The following TRPC4 variants were observed in gnomAD, a reference collection of about 807,000 sequenced individuals.
TRPC4 encodes short transient receptor potential channel 4.
A neutral mutation model predicts 99.4 loss-of-function variants in TRPC4; 49 were observed. The ratio of observed to expected loss-of-function variants is 0.49; its 90% CI spans 0.39 to 0.63. TRPC4 has a LOEUF of 0.63. TRPC4 is among the 20% of genes least tolerant of loss of function. The probability of loss-of-function intolerance (pLI) is 0.00; values close to 1 mark genes in which losing one functional copy is unlikely to be tolerated. For missense variants in TRPC4, 898 were observed against 1,152.9 expected, an observed-to-expected ratio of 0.78 and a Z score of 3.20; for synonymous variants, 454 against 425.9, an observed-to-expected ratio of 1.07 and a Z score of -0.81.
intron 8 of TRPC4, among the ~76,000 whole-genome samples, chr13:37,641,201 A>G (rs1951706254): frequency 6.6e-6 from 1 of 152,198 alleles, no homozygotes; most frequent in African/African-American, 2.4e-5. Context: ...TAAAAAGGTC[A>G]AAGACTACAT....
At chr13:37,811,333 A>T (rs185775305) in intron 1 of TRPC4, among the ~76,000 whole-genome samples, 1 of 152,272 alleles carries the variant, frequency 6.6e-6, no homozygotes, top group East Asian at 1.9e-4. Context: ...AATAAATGAA[A>T]CAACAGATTT....
intron 2 of TRPC4, among the ~76,000 whole-genome samples, chr13:37,772,284 G>A (rs1458586567): frequency 6.6e-6 from 1 of 151,638 alleles, no homozygotes; most frequent in Non-Finnish European, 1.5e-5. Context: ...TCCAAACAAA[G>A]CCTAAGAGGA....
intron 2 of TRPC4, among the ~76,000 whole-genome samples, chr13:37,770,526 C>G (rs556412766): frequency 6.6e-6 from 1 of 151,414 alleles, no homozygotes; most frequent in Non-Finnish European, 1.5e-5. Context: ...CATATTACCA[C>G]CAAGCCAAGC....
Position 37,633,735 on chromosome 13 carries a change from A to G in TRPC4, c.*3168T>C, listed in dbSNP as rs1002090600. ...TTGCCATCCAGTAAATAGAGTAACT[A>G]ATTTAAGAAAATTTGATATACAAAT... On this transcript the variant is annotated 3_prime_UTR_variant, in exon 11 of 11. Transcript: ENST00000379705. Among the ~76,000 whole-genome samples the G allele has an allele frequency of 1.3e-5, 2 of 152,148 alleles. No homozygotes were observed. The highest frequency in any genetic ancestry group is 4.8e-5 in the African/African-American group (2 of 41,454).
chr13:37,812,821 C>A (rs1957740253), intron 1 of TRPC4, among the ~76,000 whole-genome samples: 1 of 151,946 alleles, frequency 6.6e-6, no homozygotes, highest in Non-Finnish European at 1.5e-5. Context: ...ATGTGATAAT[C>A]AAATTTCTTA....
At chr13:37,676,223 C>T (rs1229131439) in intron 4 of TRPC4, among the ~76,000 whole-genome samples, 1 of 148,702 alleles carries the variant, frequency 6.7e-6, no homozygotes, top group Non-Finnish European at 1.5e-5. Flanking sequence ...CATATTCAAA[C>T]CGTCAAAAAC....
At chr13:37,746,773 A>C (rs1955799064) in intron 2 of TRPC4, among the ~76,000 whole-genome samples, 1 of 152,108 alleles carries the variant, frequency 6.6e-6, no homozygotes, top group South Asian at 2.1e-4. Flanking sequence ...CTTATTTTCC[A>C]GCTGACACTA....
chr13:37,707,984 C>T (rs1954345934), intron 3 of TRPC4, among the ~76,000 whole-genome samples: 1 of 152,016 alleles, frequency 6.6e-6, no homozygotes, highest in African/African-American at 2.4e-5. Context: ...GTCTCCTGAC[C>T]TTTACTGACT....
intron 2 of TRPC4, among the ~76,000 whole-genome samples, chr13:37,774,181 T>G (rs745586206): frequency 6.6e-6 from 1 of 151,690 alleles, no homozygotes; most frequent in African/African-American, 2.4e-5. Context: ...TATTATCACC[T>G]TTTTTAAGGG....
rs555444981 is a variant in TRPC4 at position 37,633,317 on chromosome 13, T to C, written c.*3586A>G. ...ATATTTACAGGGCCACAATGGATGG[T>C]TCTTACTAGGTTGAGTTTTAAGGAC... is the stretch of plus-strand genomic sequence containing the variant. On this transcript the variant is annotated 3_prime_UTR_variant, in exon 11 of 11. Coordinates refer to ENST00000379705, the MANE Select transcript of TRPC4 (RefSeq NM_016179.4). 6.6e-6 allele frequency among the ~76,000 whole-genome samples: 1 copy of C among 152,100 alleles called. No individual in the cohort carries two copies. The highest frequency in any genetic ancestry group is 6.6e-5 in the Admixed American group (1 of 15,250).
intron 1 of TRPC4, among the ~76,000 whole-genome samples, chr13:37,794,479 C>G (rs1476859477): frequency 6.6e-6 from 1 of 152,062 alleles, no homozygotes; most frequent in Non-Finnish European, 1.5e-5. Flanking sequence ...AATACTTTAT[C>G]TCAGAGGCTA....
chr13:37,638,128 T>C (rs1385225204), intron 10 of TRPC4, among the ~76,000 whole-genome samples: 2 of 152,118 alleles, frequency 1.3e-5, no homozygotes, highest in African/African-American at 4.8e-5. Flanking sequence ...AGCCTCTACA[T>C]CCTGGGAATT....
At chr13:37,741,192 C>G (rs183222130) in intron 3 of TRPC4, among the ~76,000 whole-genome samples, 1 of 152,086 alleles carries the variant, frequency 6.6e-6, no homozygotes, top group East Asian at 1.9e-4. Context: ...ACAAAAACTA[C>G]GGAAGGTCTT....
intron 3 of TRPC4, among the ~76,000 whole-genome samples, chr13:37,731,803 T>G (rs1044009283): frequency 2.0e-5 from 3 of 152,104 alleles, no homozygotes; most frequent in African/African-American, 7.2e-5. Flanking sequence ...TGCCTAAATA[T>G]TATCGAAGTA....
chr13:37,637,858 A>G (rs928276178), intron 10 of TRPC4, among the ~76,000 whole-genome samples: 1 of 152,136 alleles, frequency 6.6e-6, no homozygotes, highest in African/African-American at 2.4e-5. Context: ...GCTGATGCAA[A>G]AAGAAACGTG....
intron 3 of TRPC4, among the ~76,000 whole-genome samples, chr13:37,703,467 T>C (rs1954169142): frequency 6.6e-6 from 1 of 151,916 alleles, no homozygotes. Context: ...CCAAGTATAA[T>C]TAACCAAATA....
At chr13:37,719,551 T>C (rs1023790933) in intron 3 of TRPC4, among the ~76,000 whole-genome samples, 1 of 152,128 alleles carries the variant, frequency 6.6e-6, no homozygotes, top group African/African-American at 2.4e-5. Context: ...AGATCATTTT[T>C]TCTATTATTT....
chr13:37,716,743 A>C (rs932178425), intron 3 of TRPC4, among the ~76,000 whole-genome samples: 1 of 152,096 alleles, frequency 6.6e-6, no homozygotes, highest in Non-Finnish European at 1.5e-5. Flanking sequence ...TCTCTACTCA[A>C]GGGCTATTTT....
chr13:37,700,416 G>A lies in TRPC4; in HGVS notation c.898-8081C>T, dbSNP rs111778385. On this transcript the variant is annotated intron_variant, in intron 3 of 10. Transcript: ENST00000379705. ...TCCACACAGAGGAGTGGCATGTTCAGAATGGGTGTTTCACTTTTAATCAAA... is the reference window on the plus strand; with the variant it reads ...TCCACACAGAGGAGTGGCATGTTCAAAATGGGTGTTTCACTTTTAATCAAA... Among the ~76,000 whole-genome samples the A allele has an allele frequency of 6.3e-4, 96 of 152,254 alleles. 1 individual carries two copies. Among genetic ancestry groups the A allele is most frequent in the Non-Finnish European group, 1.2e-3 (81 of 68,018 alleles).
Sources: allele counts gnomAD v4.1 joint callset (sites outside exome capture counted in the v4.1 genomes callset), GRCh38; gene constraint gnomAD v4.1.1; transcripts MANE v1.5; gene names NCBI Gene and HGNC (gene_info 2026-07-23, HGNC 2026-07-21).